The following ERGIC1 variants were observed in gnomAD, a reference collection of about 807,000 sequenced individuals.
The protein encoded by ERGIC1 is endoplasmic reticulum-Golgi intermediate compartment protein 1.
Under a neutral mutation model 38.3 loss-of-function variants are expected in ERGIC1, and 19 were observed. The ratio of observed to expected loss-of-function variants is 0.50; its 90% CI spans 0.35 to 0.73. ERGIC1 has a LOEUF of 0.73. Ranked by LOEUF, ERGIC1 falls within the 30% of genes least tolerant of loss-of-function variation. The pLI is 0.01. For synonymous variants in ERGIC1, 124 were observed against 157.6 expected, an observed-to-expected ratio of 0.79 and a Z score of 1.60; for missense variants, 294 against 389.2, an observed-to-expected ratio of 0.76 and a Z score of 2.06.
intron 9 of ERGIC1, among the ~76,000 whole-genome samples, chr5:172,943,395 A>G (rs1035158192): frequency 5.0e-5 from 6 of 119,228 alleles, no homozygotes; most frequent in Non-Finnish European, 8.8e-5. Flanking sequence ...CCCCGACTAC[A>G]CCCCCCACCT....
chr5:172,923,395 C>T (rs1406567494), intron 5 of ERGIC1, among the ~76,000 whole-genome samples: 3 of 151,840 alleles, frequency 2.0e-5, no homozygotes, highest in East Asian at 1.9e-4. Flanking sequence ...GGAGGGACTT[C>T]GTGCTGAAAC....
intron 1 of ERGIC1, among the ~76,000 whole-genome samples, chr5:172,884,736 C>T (rs964762361): frequency 4.6e-5 from 7 of 152,118 alleles, no homozygotes; most frequent in Admixed American, 1.3e-4. Context: ...TTTGGGTGCT[C>T]GTTACACTCA....
intron 1 of ERGIC1, among the ~76,000 whole-genome samples, chr5:172,863,774 T>A (rs1761779677): frequency 6.6e-6 from 1 of 152,234 alleles, no homozygotes; most frequent in African/African-American, 2.4e-5. Flanking sequence ...CAGGGCTTTG[T>A]CACACGGAGC....
intron 5 of ERGIC1, among the ~76,000 whole-genome samples, chr5:172,919,470 G>A (rs746187935): frequency 2.2e-4 from 34 of 152,222 alleles, no homozygotes; most frequent in South Asian, 4.2e-4. Flanking sequence ...TGGCAAACAC[G>A]CCCAAGACTG....
chr5:172,890,897 C>T (rs1762544963), intron 2 of ERGIC1, among the ~76,000 whole-genome samples: 1 of 152,216 alleles, frequency 6.6e-6, no homozygotes, highest in Non-Finnish European at 1.5e-5. Flanking sequence ...TCCGGCTGGG[C>T]TTGTTGAAGC....
At chr5:172,863,189 G>A (rs1761762898) in intron 1 of ERGIC1, among the ~76,000 whole-genome samples, 1 of 152,210 alleles carries the variant, frequency 6.6e-6, no homozygotes, top group South Asian at 2.1e-4. Context: ...GACCTCAAGT[G>A]ATCCGCCCAC....
chr5:172,835,678 A>C (rs1423890402), intron 1 of ERGIC1, among the ~76,000 whole-genome samples: 1 of 152,028 alleles, frequency 6.6e-6, no homozygotes, highest in Non-Finnish European at 1.5e-5. Context: ...GCCTGCCATG[A>C]CCCCCATAGC....
At chr5:172,867,586 C>T (rs184779560) in intron 1 of ERGIC1, 12 of 412,472 alleles carry the variant, frequency 2.9e-5, no homozygotes, top group African/African-American at 1.4e-4. Flanking sequence ...GAGTCCTAGC[C>T]GCCCCCTGTC....
intron 9 of ERGIC1, among the ~76,000 whole-genome samples, chr5:172,940,016 C>A (rs1042171247): frequency 6.6e-6 from 1 of 152,202 alleles, no homozygotes; most frequent in Non-Finnish European, 1.5e-5. Context: ...CAAATGGGGG[C>A]CTCTGCAAAT....
intron 9 of ERGIC1, among the ~76,000 whole-genome samples, chr5:172,949,832 G>A (rs1393417838): frequency 1.3e-5 from 2 of 152,190 alleles, no homozygotes; most frequent in Non-Finnish European, 2.9e-5. Context: ...TTGGGAGGCC[G>A]AGGCGGGTGG....
rs556654831 is a variant in ERGIC1, at chr5:172,920,231, C to T, written c.376-3774C>T. 520 of 687,882 alleles carry T rather than the reference C, an allele frequency of 7.6e-4. 1 individual carries two copies. Among genetic ancestry groups the T allele is most frequent in the Non-Finnish European group, 1.2e-3 (426 of 367,242 alleles). The allele number at this position is 687,882 out of a possible 1,614,324, so 42.6% of individuals were successfully genotyped here. On this transcript the variant is annotated intron_variant, in intron 5 of 9. Coordinates refer to ENST00000393784, the MANE Select transcript of ERGIC1 (RefSeq NM_001031711.3). ...CCCAGCCACTTTCCCTTTGAGGAAC[C>T]GCCCATCAAGAGGTGCTCAAAGAAG...
At chr5:172,925,236 C>CA (rs922862370) in intron 6 of ERGIC1, among the ~76,000 whole-genome samples, 14 of 150,388 alleles carry the variant, frequency 9.3e-5, no homozygotes, top group African/African-American at 3.4e-4. Flanking sequence ...AGACTCCTCC[C>CA]AAAAAAAGAA....
intron 1 of ERGIC1, among the ~76,000 whole-genome samples, chr5:172,871,178 C>T (rs111662632): frequency 1.4e-3 from 213 of 152,346 alleles, no homozygotes; most frequent in African/African-American, 4.5e-3. Context: ...GCACTTCATC[C>T]GGCCTGAGGC....
At chr5:172,905,026 G>C (rs947625079) in intron 3 of ERGIC1, among the ~76,000 whole-genome samples, 3 of 152,196 alleles carry the variant, frequency 2.0e-5, no homozygotes, top group Middle Eastern at 6.8e-3. Flanking sequence ...AGGGACCCAC[G>C]CCTGGGAGAG....
intron 1 of ERGIC1, among the ~76,000 whole-genome samples, chr5:172,852,674 A>C (rs942369242): frequency 6.6e-6 from 1 of 152,262 alleles, no homozygotes; most frequent in Admixed American, 6.5e-5. Flanking sequence ...TCTGAACCTC[A>C]GCTCTCCTAC....
At position 172,837,197 on chromosome 5, in the gene ERGIC1, A is replaced by T. The variant is rs867294168; in HGVS notation, c.20+2764A>T. ...TGCACTCTTGCCCTTCCCTACGGATACTTCTGATTTTCTTACTGCCTGTAG... is the reference window on the plus strand; with the variant it reads ...TGCACTCTTGCCCTTCCCTACGGATTCTTCTGATTTTCTTACTGCCTGTAG... On this transcript the variant is annotated intron_variant, in intron 1 of 9. Coordinates refer to ENST00000393784, the MANE Select transcript of ERGIC1 (RefSeq NM_001031711.3). The surrounding 1 kb of genome is among the most constrained non-coding windows in gnomAD (Gnocchi z 4.3). 6.6e-6 allele frequency among the ~76,000 whole-genome samples: 1 copy of T among 152,122 alleles called. No homozygotes were observed. Among genetic ancestry groups the T allele is most frequent in the African/African-American group, 2.4e-5 (1 of 41,420 alleles).
intron 3 of ERGIC1, among the ~76,000 whole-genome samples, chr5:172,900,827 T>A (rs992637798): frequency 3.3e-5 from 5 of 152,166 alleles, no homozygotes; most frequent in Non-Finnish European, 7.4e-5. Context: ...TAGAGAGATC[T>A]GTCCGGAGCT....
In ERGIC1 at chr5:172,888,528, A is replaced by G. The variant is rs565861732; in HGVS notation, c.21-171A>G. ...GTGATCTAAGGGTGTTGTGGGGAGC[A>G]GGGGTTCCATCAGAGAAGCATCTTG... On this transcript the variant is annotated intron_variant, in intron 1 of 9. Coordinates refer to ENST00000393784, the MANE Select transcript of ERGIC1 (RefSeq NM_001031711.3). Among the ~76,000 whole-genome samples, 69 of 152,250 alleles carry G rather than the reference A, an allele frequency of 4.5e-4. No individual in the cohort carries two copies. In the South Asian group the frequency reaches 0.014, roughly 31 times the overall value.
At position 172,846,191 on chromosome 5, in the gene ERGIC1, C is replaced by T. The variant is rs1481584751; in HGVS notation, c.20+11758C>T. Among the ~76,000 whole-genome samples the T allele has an allele frequency of 6.6e-6, 1 of 152,140 alleles. No individual in the cohort carries two copies. Among genetic ancestry groups the T allele is most frequent in the East Asian group, 1.9e-4 (1 of 5,196 alleles). On this transcript the variant is annotated intron_variant, in intron 1 of 9. Transcript: ENST00000393784. The surrounding 1 kb of genome is among the most constrained non-coding windows in gnomAD (Gnocchi z 4.0). ...CCTCATTTGGGTTGGTGGTCTTTCT[C>T]CCCCTCCCCCAATCCCCTGCACCCA...
Sources: gnomAD v4.1 joint callset for allele counts (sites outside exome capture counted in the v4.1 genomes callset) on GRCh38, gnomAD v4.1.1 for gene constraint, Gnocchi (gnomAD v3.1) non-coding constraint, MANE v1.5 for transcripts, NCBI Gene and HGNC (gene_info 2026-07-23, HGNC 2026-07-21) for gene names.